Variants in VPS13B observed in about 807,000 individuals in gnomAD.
VPS13B encodes vacuolar protein sorting 13 homolog B, also known as intermembrane lipid transfer protein VPS13B.
A neutral mutation model predicts 426.4 loss-of-function variants in VPS13B; 285 were observed. The observed-to-expected ratio is 0.67, with a 90% CI of 0.61 to 0.74. The LOEUF is 0.74. Among genes scored for constraint, VPS13B ranks in the 30% least tolerant of loss-of-function variants. VPS13B has a pLI of 0.00. For missense variants in VPS13B, 4,537 were observed against 4,782.6 expected, an observed-to-expected ratio of 0.95 and a Z score of 1.51; for synonymous variants, 1,676 against 1,676.4, an observed-to-expected ratio of 1.00 and a Z score of 0.01.
At chr8:99,106,358 C>T (rs933708756) in intron 5 of VPS13B, among the ~76,000 whole-genome samples, 11 of 149,088 alleles carry the variant, frequency 7.4e-5, no homozygotes, top group African/African-American at 2.7e-4. Context: ...TCACTTGAAC[C>T]CAGGAGGCGG....
intron 17 of VPS13B, among the ~76,000 whole-genome samples, chr8:99,214,760 C>G (rs1815294772): frequency 6.6e-6 from 1 of 152,128 alleles, no homozygotes; most frequent in Non-Finnish European, 1.5e-5. Context: ...TCCATCCAAT[C>G]TATTGTCTAT....
intron 43 of VPS13B, among the ~76,000 whole-genome samples, chr8:99,804,862 G>A (rs1352091222): frequency 6.6e-6 from 1 of 151,944 alleles, no homozygotes; most frequent in African/African-American, 2.4e-5. Flanking sequence ...GCCAGGCATG[G>A]TGGCATATAC....
chr8:99,522,991 C>T (rs540952384), intron 30 of VPS13B, among the ~76,000 whole-genome samples: 9 of 152,096 alleles, frequency 5.9e-5, no homozygotes, highest in Admixed American at 5.2e-4. Flanking sequence ...TTTTATTATT[C>T]CTATGATTTT....
At chr8:99,160,973 A>G (rs1811617852) in intron 15 of VPS13B, among the ~76,000 whole-genome samples, 1 of 152,206 alleles carries the variant, frequency 6.6e-6, no homozygotes, top group South Asian at 2.1e-4. Flanking sequence ...AGAACAACAG[A>G]TCACATTGCA....
intron 21 of VPS13B, among the ~76,000 whole-genome samples, chr8:99,408,114 G>A (rs1410248062): frequency 6.6e-6 from 1 of 152,138 alleles, no homozygotes; most frequent in Non-Finnish European, 1.5e-5. Flanking sequence ...ATCCTGTAGG[G>A]ACTTACAAAT....
chr8:99,633,757 ATG>A (rs1330051257), intron 33 of VPS13B, among the ~76,000 whole-genome samples: 2 of 151,090 alleles, frequency 1.3e-5, no homozygotes, highest in Non-Finnish European at 2.9e-5. Flanking sequence ...GTTGTTTCTT[ATG>A]TAGAGGCATC....
At chr8:99,646,244 G>T (rs1036367626) in intron 34 of VPS13B, among the ~76,000 whole-genome samples, 1 of 152,178 alleles carries the variant, frequency 6.6e-6, no homozygotes, top group African/African-American at 2.4e-5. Flanking sequence ...GGTGGGCACA[G>T]TGTCTCACAT....
chr8:99,065,483 CA>C (rs1420761976), intron 3 of VPS13B, among the ~76,000 whole-genome samples: 2 of 152,138 alleles, frequency 1.3e-5, no homozygotes, highest in African/African-American at 4.8e-5. Context: ...TAAAAACTCT[CA>C]ATAAACTAGG....
At chr8:99,117,942 T>C (rs1217968219) in intron 7 of VPS13B, among the ~76,000 whole-genome samples, 4 of 152,174 alleles carry the variant, frequency 2.6e-5, no homozygotes, top group Non-Finnish European at 5.9e-5. Flanking sequence ...TTAAACTTTA[T>C]CTCATTAAAA....
chr8:99,274,051 A>G, intron 17 of VPS13B, 147 bp from the exon 18 acceptor site: 2 of 1,139,946 alleles, frequency 1.8e-6, no homozygotes, highest in Non-Finnish European at 2.5e-6. Context: ...CACCTCTGAA[A>G]TACTAAACTA....
intron 49 of VPS13B, among the ~76,000 whole-genome samples, chr8:99,821,049 T>A (rs1212685607): frequency 9.1e-6 from 1 of 110,234 alleles, no homozygotes. Context: ...CCATTGTGAG[T>A]AAAAAAAAAA....
intron 17 of VPS13B, among the ~76,000 whole-genome samples, chr8:99,194,886 G>A (rs1438543066): frequency 6.6e-6 from 1 of 151,706 alleles, no homozygotes; most frequent in African/African-American, 2.4e-5. Flanking sequence ...TTGCTCTGTT[G>A]CCAGGCTGGA....
rs2130813187 is a variant in VPS13B, at chr8:99,818,526, C to T, written c.8437C>T (p.Gln2813Ter). Residue 2813 changes from glutamine (Q) to a stop codon, truncating the protein, a stop_gained, in exon 46 of 62, where the codon CAA becomes TAA. Coordinates refer to ENST00000357162, the MANE Select transcript of VPS13B (RefSeq NM_152564.5). LOFTEE classifies it high-confidence loss of function. ...LTLEPNSQVQ[Q>*]RMIVFSPLFI... ...TTTAGAACCCAACTCTCAAGTGCAA[C>T]AACGAATGGTGAGTGCTTTCCCAAT... The T allele has an allele frequency of 6.2e-7, 1 of 1,614,000 alleles. No homozygotes were observed. Among genetic ancestry groups the T allele is most frequent in the South Asian group, 1.1e-5 (1 of 91,080 alleles).
At chr8:99,478,474 T>G (rs1317466104) in intron 24 of VPS13B, among the ~76,000 whole-genome samples, 2 of 139,520 alleles carry the variant, frequency 1.4e-5, no homozygotes, top group African/African-American at 2.7e-5. Flanking sequence ...TTGTTTTTTG[T>G]TTTTTTTTTT....
chr8:99,502,226 C>T (rs973857286), intron 26 of VPS13B, among the ~76,000 whole-genome samples: 3 of 152,152 alleles, frequency 2.0e-5, no homozygotes, highest in South Asian at 2.1e-4. Context: ...TCAGGTGGTC[C>T]GCCCACGTTG....
At chr8:99,622,969 G>A (rs533508704) in intron 33 of VPS13B, among the ~76,000 whole-genome samples, 1 of 152,084 alleles carries the variant, frequency 6.6e-6, no homozygotes, top group South Asian at 2.1e-4. Flanking sequence ...TCTCCTTTTT[G>A]TACCCTATTC....
chr8:99,412,371 T>C (rs968098391), intron 21 of VPS13B, among the ~76,000 whole-genome samples: 3 of 152,206 alleles, frequency 2.0e-5, no homozygotes, highest in Non-Finnish European at 4.4e-5. Context: ...GCTCTCTGTT[T>C]GTCTGTTATT....
chr8:99,022,589 G>C (rs988698705), intron 2 of VPS13B, among the ~76,000 whole-genome samples: 2 of 152,086 alleles, frequency 1.3e-5, no homozygotes, highest in South Asian at 2.1e-4. Context: ...ACTTGTTGCT[G>C]TAGCATTCTG....
At chr8:99,309,562 C>T (rs1393317610) in intron 19 of VPS13B, among the ~76,000 whole-genome samples, 1 of 152,092 alleles carries the variant, frequency 6.6e-6, no homozygotes, top group African/African-American at 2.4e-5. Context: ...GGTACCAGTA[C>T]CATGTTGTTT....
Sources: allele counts gnomAD v4.1 joint callset (sites outside exome capture counted in the v4.1 genomes callset), GRCh38; gene constraint gnomAD v4.1.1; transcripts MANE v1.5; gene names NCBI Gene and HGNC (gene_info 2026-07-23, HGNC 2026-07-21).